SPTSSB: variants seen among roughly 807,000 people sequenced by gnomAD.
SPTSSB encodes androgen down regulated in mouse prostate.
In SPTSSB, 6 loss-of-function variants were observed where a neutral mutation model predicts 7.7. That is an observed-to-expected ratio of 0.78 (90% CI 0.43 to 1.54). The LOEUF is 1.54. Ranked by LOEUF, SPTSSB falls within the 40% of genes most tolerant of loss-of-function variation. SPTSSB has a pLI of 0.01. For synonymous variants in SPTSSB, 28 were observed against 29.7 expected (o/e 0.94, Z 0.19); for missense variants, 91 against 93.0 (o/e 0.98, Z 0.09).
chr3:161,364,044 G>T (rs1238438515), intron 1 of SPTSSB, among the ~76,000 whole-genome samples: 2 of 152,098 alleles, frequency 1.3e-5, no homozygotes, highest in Admixed American at 1.3e-4. Flanking sequence ...TTAAGTTGCT[G>T]ATTATTAGCC....
intron 1 of SPTSSB, among the ~76,000 whole-genome samples, chr3:161,362,113 T>A (rs1715041844): frequency 6.6e-6 from 1 of 152,106 alleles, no homozygotes; most frequent in Admixed American, 6.6e-5. Context: ...ATCTGCAGCC[T>A]CTAGGAGTAA....
At chr3:161,362,440 T>A (rs1359039595) in intron 1 of SPTSSB, among the ~76,000 whole-genome samples, 1 of 152,150 alleles carries the variant, frequency 6.6e-6, no homozygotes, top group Non-Finnish European at 1.5e-5. Flanking sequence ...GTTGTTCACT[T>A]TGTTTCTTAA....
intron 2 of SPTSSB, among the ~76,000 whole-genome samples, chr3:161,353,515 G>A (rs1421570642): frequency 4.6e-5 from 7 of 151,770 alleles, no homozygotes; most frequent in Non-Finnish European, 7.4e-5. Context: ...AACAAATGGC[G>A]AAATATTTCT....
chr3:161,364,087 T>C (rs951791426), intron 1 of SPTSSB, among the ~76,000 whole-genome samples: 2 of 152,186 alleles, frequency 1.3e-5, no homozygotes, highest in Non-Finnish European at 2.9e-5. Flanking sequence ...TATGTTTGTG[T>C]AGATCCTGTG....
intron 1 of SPTSSB, among the ~76,000 whole-genome samples, chr3:161,362,997 T>G (rs1441272478): frequency 1.3e-5 from 2 of 151,978 alleles, no homozygotes; most frequent in Admixed American, 6.6e-5. Flanking sequence ...ATATCATTTG[T>G]AAATTTAAAA....
In SPTSSB at chr3:161,346,205, G is replaced by T; in HGVS notation, c.119C>A (p.Thr40Asn). ...AGTGTATACCACCATAGCAATAATG[G>T]TTAGTAAGATGGTGTTAAACATAGA... ...ERSMFNTILL[T>N]IIAMVVYTAY... Residue 40 changes from threonine (T) to asparagine (N), a missense_variant, in exon 3 of 3, where the codon ACC becomes AAC. Thr to Asn is a moderately conservative substitution (Grantham distance 65). Coordinates refer to ENST00000620149, the MANE Select transcript of SPTSSB (RefSeq NM_001040100.2). 1.2e-6 allele frequency: 2 copies of T among 1,612,300 alleles called. No individual in the cohort carries two copies. The highest frequency in any genetic ancestry group is 1.7e-6 in the Non-Finnish European group (2 of 1,178,322).
At chr3:161,348,552 A>G (rs1714367838) in intron 2 of SPTSSB, among the ~76,000 whole-genome samples, 1 of 152,212 alleles carries the variant, frequency 6.6e-6, no homozygotes, top group Admixed American at 6.5e-5. Flanking sequence ...AACAGCAGAT[A>G]AAAAGCACAC....
chr3:161,355,401 C>G (rs895208824), intron 2 of SPTSSB, among the ~76,000 whole-genome samples: 45 of 152,076 alleles, frequency 3.0e-4, no homozygotes, highest in Non-Finnish European at 1.2e-4. Context: ...AAAGGTGTAT[C>G]CACATTCACA....
At chr3:161,348,923 T>C (rs1269252083) in intron 2 of SPTSSB, among the ~76,000 whole-genome samples, 1 of 152,226 alleles carries the variant, frequency 6.6e-6, no homozygotes, top group Admixed American at 6.5e-5. Context: ...CAATCTATTG[T>C]TAGAATGCAC....
chr3:161,357,315 C>T (rs985195391), intron 2 of SPTSSB, among the ~76,000 whole-genome samples: 1 of 152,210 alleles, frequency 6.6e-6, no homozygotes, highest in Non-Finnish European at 1.5e-5. Context: ...AAAAAACTCT[C>T]ATTGACAATT....
At chr3:161,366,201 G>A (rs573344458) in intron 1 of SPTSSB, among the ~76,000 whole-genome samples, 3 of 152,344 alleles carry the variant, frequency 2.0e-5, no homozygotes, top group African/African-American at 7.2e-5. Context: ...TTCTCTGGAA[G>A]ACTACAAGAA....
intron 2 of SPTSSB, among the ~76,000 whole-genome samples, chr3:161,358,507 A>G (rs1490364918): frequency 6.6e-6 from 1 of 152,176 alleles, no homozygotes; most frequent in East Asian, 1.9e-4. Context: ...TAAAAAGTAT[A>G]AAATATTTAG....
intron 1 of SPTSSB, among the ~76,000 whole-genome samples, chr3:161,369,288 TTCTTTCTTTCTTTCTTTCTTTCTTTC>T (rs1320949892): frequency 0.023 from 1,873 of 80,730 alleles, 54 homozygotes; most frequent in East Asian, 0.12. Flanking sequence ...TTTCTTTCTT[TTCTTTCTTTCTTTCTTTCTTTCTTTC>T]TCTTTCTTTC....
intron 1 of SPTSSB, among the ~76,000 whole-genome samples, chr3:161,364,684 A>G (rs73878309): frequency 0.054 from 8,121 of 150,732 alleles, 580 homozygotes; most frequent in African/African-American, 0.16. Context: ...TATAATATAT[A>G]TTTATTTAAT....
At chr3:161,367,669 G>A (rs1341173305) in intron 1 of SPTSSB, among the ~76,000 whole-genome samples, 1 of 152,252 alleles carries the variant, frequency 6.6e-6, no homozygotes, top group Non-Finnish European at 1.5e-5. Context: ...CGTAATCACA[G>A]CAGATGCTTT....
At chr3:161,357,253 G>C (rs1714809159) in intron 2 of SPTSSB, among the ~76,000 whole-genome samples, 1 of 152,122 alleles carries the variant, frequency 6.6e-6, no homozygotes, top group African/African-American at 2.4e-5. Flanking sequence ...AAATCGCTTA[G>C]ATTTTATAAT....
At position 161,345,113 on chromosome 3, in the gene SPTSSB, G is replaced by A. The variant is rs1050296440; in HGVS notation, c.*980C>T. On this transcript the variant is annotated 3_prime_UTR_variant, in exon 3 of 3. Coordinates refer to ENST00000620149, the MANE Select transcript of SPTSSB (RefSeq NM_001040100.2). ...GCAGTATAATTAAAACCTTATATTT[G>A]TTTTAAAGATAAACAGTTTGAAGGA... 3 of 152,532 alleles carry A rather than the reference G, an allele frequency of 2.0e-5. No homozygotes were observed. The highest frequency in any genetic ancestry group is 7.2e-5 in the African/African-American group (3 of 41,426). 9.4% of individuals were successfully genotyped at this position (152,532 alleles called of 1,614,324 possible).
At chr3:161,358,718 A>G (rs1288872604) in intron 2 of SPTSSB, among the ~76,000 whole-genome samples, 1 of 152,186 alleles carries the variant, frequency 6.6e-6, no homozygotes, top group African/African-American at 2.4e-5. Context: ...TGTTTATTCA[A>G]TTTTGGTGTG....
chr3:161,370,674 C>T (rs995456424), intron 1 of SPTSSB, among the ~76,000 whole-genome samples: 8 of 152,188 alleles, frequency 5.3e-5, no homozygotes, highest in Non-Finnish European at 8.8e-5. Flanking sequence ...GGGGCTAGTT[C>T]TTACATTTAA....
Sources: allele counts gnomAD v4.1 joint callset (sites outside exome capture counted in the v4.1 genomes callset), GRCh38; gene constraint gnomAD v4.1.1; transcripts MANE v1.5; gene names NCBI Gene and HGNC (gene_info 2026-07-23, HGNC 2026-07-21).